The following ZFHX3 variants were observed in gnomAD, a reference collection of about 807,000 sequenced individuals.
The protein encoded by ZFHX3 is zinc finger homeobox protein 3.
In ZFHX3, 42 loss-of-function variants were observed where a neutral mutation model predicts 279.1. The observed-to-expected ratio is 0.15, with a 90% CI of 0.12 to 0.19. The LOEUF is 0.19. Among genes scored for constraint, ZFHX3 ranks in the 10% least tolerant of loss-of-function variants. The pLI, the probability that ZFHX3 is intolerant of heterozygous loss-of-function variation, is 1.00. For missense variants in ZFHX3, 4,981 were observed against 4,754.0 expected (o/e 1.05, Z -1.40); for synonymous variants, 2,293 against 1,957.8 (o/e 1.17, Z -4.52).
intron 3 of ZFHX3, among the ~76,000 whole-genome samples, chr16:73,430,534 C>T (rs922944900): frequency 6.6e-6 from 1 of 152,122 alleles, no homozygotes; most frequent in Non-Finnish European, 1.5e-5. Flanking sequence ...CTTCTGCGGG[C>T]AGAAGAGAGG....
At chr16:73,646,645 G>A (rs1471936443) in intron 2 of ZFHX3, among the ~76,000 whole-genome samples, 1 of 152,162 alleles carries the variant, frequency 6.6e-6, no homozygotes, top group Non-Finnish European at 1.5e-5. Context: ...GCCAAAATGA[G>A]ATGTTACTTA....
intron 2 of ZFHX3, among the ~76,000 whole-genome samples, chr16:73,559,711 T>C (rs554704892): frequency 6.7e-4 from 102 of 152,280 alleles, no homozygotes; most frequent in Non-Finnish European, 1.2e-3. Context: ...GCAGAACTTC[T>C]TGGAATAAAG....
At chr16:72,811,361 G>C (rs1283937549) in intron 7 of ZFHX3, among the ~76,000 whole-genome samples, 1 of 152,190 alleles carries the variant, frequency 6.6e-6, no homozygotes, top group East Asian at 1.9e-4. Flanking sequence ...AGGATGATAA[G>C]GGAGGTTGAG....
In ZFHX3 at chr16:73,237,611, A is replaced by G. The variant is rs530552912; in HGVS notation, c.-1104+19436T>C. 3.9e-3 allele frequency among the ~76,000 whole-genome samples: 533 copies of G among 136,990 alleles called. 1 individual carries two copies. The highest frequency in any genetic ancestry group is 5.2e-3 in the Non-Finnish European group (346 of 66,292). The allele number at this position is 136,990 out of a possible 152,430, so 89.9% of individuals were successfully genotyped here. A position where few individuals can be genotyped will look rare whatever the true frequency, so the allele number is the denominator to read the frequency against. ...AGTATTGAACTCCTGGCCTCAAGCT[A>G]TCTTCCTGCCTCAGCCTCCTAAAGT... On this transcript the variant is annotated intron_variant, in intron 5 of 17. Transcript: ENST00000641206.
chr16:72,815,601 G>C (rs919242603), intron 5 of ZFHX3, among the ~76,000 whole-genome samples: 13 of 152,156 alleles, frequency 8.5e-5, no homozygotes, highest in Non-Finnish European at 1.8e-4. Context: ...AAATGAAGTT[G>C]TATGAATACC....
intron 2 of ZFHX3, among the ~76,000 whole-genome samples, chr16:73,461,953 T>A (rs1034075798): frequency 2.0e-5 from 3 of 152,236 alleles, no homozygotes; most frequent in African/African-American, 7.2e-5. Context: ...TATATCAGTT[T>A]TGAGGAAAAT....
intron 2 of ZFHX3, among the ~76,000 whole-genome samples, chr16:73,467,048 T>C (rs780652579): frequency 2.0e-4 from 31 of 152,322 alleles, no homozygotes; most frequent in Non-Finnish European, 3.7e-4. Flanking sequence ...AAGGCTATGC[T>C]GCAGAGCTTT....
At chr16:73,154,906 G>T (rs542891691) in intron 5 of ZFHX3, among the ~76,000 whole-genome samples, 107 of 152,216 alleles carry the variant, frequency 7.0e-4, no homozygotes, top group Non-Finnish European at 9.4e-4. Flanking sequence ...ACAGGTGGTG[G>T]CTCACGTCTG....
At chr16:73,307,330 C>G (rs777929795) in intron 4 of ZFHX3, among the ~76,000 whole-genome samples, 17 of 152,178 alleles carry the variant, frequency 1.1e-4, no homozygotes, top group Non-Finnish European at 2.1e-4. Context: ...TGTGCTGGTA[C>G]AGTGGAGAAG....
chr16:73,597,397 A>G (rs960815258), intron 2 of ZFHX3, among the ~76,000 whole-genome samples: 1 of 152,202 alleles, frequency 6.6e-6, no homozygotes, highest in Non-Finnish European at 1.5e-5. Context: ...CAGTTAGTGT[A>G]TCTTTTTGAA....
In ZFHX3 at chr16:73,022,661, G is replaced by A. The variant is rs143830058; in HGVS notation, c.-50+25091C>T. Among the ~76,000 whole-genome samples, 244 of 152,160 alleles carry A rather than the reference G, an allele frequency of 1.6e-3. 3 individuals carry two copies. In the East Asian group the frequency reaches 0.039, roughly 24 times the overall value. On this transcript the variant is annotated intron_variant, in intron 1 of 9. Transcript: ENST00000268489. ...TGAAACTGAGTTTCAGTCCAATGAC[G>A]GCCCACATGCCACGATCCCAGACAG...
intron 2 of ZFHX3, among the ~76,000 whole-genome samples, chr16:73,634,673 G>T (rs1030290548): frequency 6.6e-6 from 1 of 151,970 alleles, no homozygotes; most frequent in East Asian, 1.9e-4. Context: ...ACAGCCAACA[G>T]AAGGGGCCTA....
chr16:73,283,346 C>T (rs1048170694), intron 4 of ZFHX3, among the ~76,000 whole-genome samples: 1 of 152,174 alleles, frequency 6.6e-6, no homozygotes, highest in Admixed American at 6.5e-5. Context: ...TCCCCAGGGA[C>T]ACGTGTTGAG....
intron 5 of ZFHX3, among the ~76,000 whole-genome samples, chr16:73,192,848 T>C (rs1968072838): frequency 6.6e-6 from 1 of 152,204 alleles, no homozygotes; most frequent in Non-Finnish European, 1.5e-5. Flanking sequence ...TCTTGTCTCC[T>C]TGGGCGATCG....
At chr16:73,221,811 T>C (rs763411543) in intron 5 of ZFHX3, among the ~76,000 whole-genome samples, 2 of 152,124 alleles carry the variant, frequency 1.3e-5, no homozygotes, top group Admixed American at 6.5e-5. Context: ...AGACCCTCTA[T>C]TGTACACATT....
intron 2 of ZFHX3, among the ~76,000 whole-genome samples, chr16:73,657,487 A>T (rs182373862): frequency 6.6e-6 from 1 of 152,252 alleles, no homozygotes; most frequent in Admixed American, 6.5e-5. Flanking sequence ...TGTACAATTC[A>T]TTGGATTTTC....
chr16:73,296,165 T>C (rs1166092202), intron 4 of ZFHX3, among the ~76,000 whole-genome samples: 2 of 152,044 alleles, frequency 1.3e-5, no homozygotes, highest in African/African-American at 4.8e-5. Flanking sequence ...ATGTAGGCAA[T>C]TGTTTCATAT....
At chr16:72,865,248 G>C (rs1388388789) in intron 4 of ZFHX3, among the ~76,000 whole-genome samples, 1 of 152,230 alleles carries the variant, frequency 6.6e-6, no homozygotes, top group Admixed American at 6.5e-5. Context: ...TGAGGACTCA[G>C]TTGAGAACCA....
chr16:73,618,378 C>T (rs2052326105), intron 2 of ZFHX3, among the ~76,000 whole-genome samples: 1 of 152,162 alleles, frequency 6.6e-6, no homozygotes. Context: ...GAGCCAAGCA[C>T]TTGGCCAGGT....
Sources: gnomAD v4.1 joint callset for allele counts (sites outside exome capture counted in the v4.1 genomes callset) on GRCh38, gnomAD v4.1.1 for gene constraint, MANE v1.5 for transcripts, NCBI Gene and HGNC (gene_info 2026-07-23, HGNC 2026-07-21) for gene names.